KCNIP4: variants seen among roughly 807,000 people sequenced by gnomAD.
KCNIP4 encodes Kv channel-interacting protein 4.
KCNIP4 carries 12 observed loss-of-function variants against 34.0 expected under a neutral mutation model. The observed-to-expected ratio is 0.35, with a 90% CI of 0.23 to 0.57. KCNIP4 has a LOEUF of 0.57. KCNIP4 is among the 20% of genes least tolerant of loss of function. The pLI is 0.83. For synonymous variants in KCNIP4, 124 were observed against 102.2 expected (o/e 1.21, Z -1.29); for missense variants, 238 against 311.7 (o/e 0.76, Z 1.78).
chr4:21,169,673 T>C (rs866248079), intron 1 of KCNIP4, among the ~76,000 whole-genome samples: 27 of 146,010 alleles, frequency 1.8e-4, no homozygotes, highest in African/African-American at 3.8e-4. Flanking sequence ...TGTGTGTGTG[T>C]GTGTGTGTGT....
intron 1 of KCNIP4, among the ~76,000 whole-genome samples, chr4:21,823,517 AAAC>A (rs1387817645): frequency 3.1e-5 from 4 of 130,338 alleles, no homozygotes; most frequent in Admixed American, 9.5e-5. Flanking sequence ...TTAAAAAAAA[AAAC>A]AAAAAAACTA....
At chr4:21,353,248 G>C (rs771141568) in intron 1 of KCNIP4, among the ~76,000 whole-genome samples, 35 of 152,158 alleles carry the variant, frequency 2.3e-4, no homozygotes, top group Non-Finnish European at 2.8e-4. Flanking sequence ...TCCTCCAAAG[G>C]ATCGCAGCTC....
At chr4:20,889,305 A>T (rs1327653789) in intron 1 of KCNIP4, among the ~76,000 whole-genome samples, 1 of 152,178 alleles carries the variant, frequency 6.6e-6, no homozygotes, top group Non-Finnish European at 1.5e-5. Flanking sequence ...GATGGTTTCT[A>T]TAAACAAGGG....
At chr4:21,709,698 CA>C (rs375654375) in intron 1 of KCNIP4, among the ~76,000 whole-genome samples, 33 of 152,128 alleles carry the variant, frequency 2.2e-4, no homozygotes, top group African/African-American at 7.7e-4. Context: ...TTGATGTGCT[CA>C]GTAAAAAAGA....
At chr4:21,556,922 G>GAAAAAAAAAAAAAAAAAA (rs1253971751) in intron 1 of KCNIP4, among the ~76,000 whole-genome samples, 4 of 70,846 alleles carry the variant, frequency 5.6e-5, no homozygotes, top group Non-Finnish European at 8.0e-5. Flanking sequence ...CTCCATCTCA[G>GAAAAAAAAAAAAAAAAAA]AAAAAAAAAA....
At chr4:21,823,637 T>C (rs1270534529) in intron 1 of KCNIP4, among the ~76,000 whole-genome samples, 2 of 152,086 alleles carry the variant, frequency 1.3e-5, no homozygotes, top group African/African-American at 4.8e-5. Context: ...AAGGGAAGGA[T>C]GCTGAAATTT....
chr4:21,735,630 T>G (rs536644302), intron 1 of KCNIP4, among the ~76,000 whole-genome samples: 33 of 152,190 alleles, frequency 2.2e-4, no homozygotes, highest in Non-Finnish European at 4.1e-4. Context: ...TTTGTTTTTG[T>G]TTTCTACGAG....
intron 1 of KCNIP4, among the ~76,000 whole-genome samples, chr4:21,104,491 T>A (rs1191972744): frequency 6.6e-6 from 1 of 152,302 alleles, no homozygotes; most frequent in African/African-American, 2.4e-5. Flanking sequence ...ATTCTGGATA[T>A]TAGCCCTTTG....
intron 1 of KCNIP4, among the ~76,000 whole-genome samples, chr4:21,823,627 A>G (rs1722504429): frequency 1.3e-5 from 2 of 152,132 alleles, no homozygotes; most frequent in South Asian, 4.1e-4. Flanking sequence ...AGAATAGGGT[A>G]AGGGAAGGAT....
At chr4:20,904,685 T>G (rs961550035) in intron 1 of KCNIP4, among the ~76,000 whole-genome samples, 3 of 152,216 alleles carry the variant, frequency 2.0e-5, no homozygotes, top group Admixed American at 6.5e-5. Context: ...TGTTTTTTTC[T>G]GACACCCTGA....
intron 1 of KCNIP4, among the ~76,000 whole-genome samples, chr4:20,939,555 G>T (rs1412440188): frequency 6.6e-6 from 1 of 151,786 alleles, no homozygotes; most frequent in Non-Finnish European, 1.5e-5. Context: ...TGTATTTTTA[G>T]TAGAGACAGG....
At chr4:21,141,934 G>A (rs11724622) in intron 1 of KCNIP4, among the ~76,000 whole-genome samples, 30,040 of 151,418 alleles carry the variant, frequency 0.2, 3,247 homozygotes, top group African/African-American at 0.28. Context: ...TGTGGATCAC[G>A]AGGTCAGAAG....
chr4:21,236,580 T>C (rs763802384), intron 1 of KCNIP4, among the ~76,000 whole-genome samples: 3 of 152,154 alleles, frequency 2.0e-5, no homozygotes, highest in Non-Finnish European at 4.4e-5. Context: ...AGATGAAATG[T>C]CAGCAAGCCT....
At chr4:21,850,092 T>C (rs188779161) in intron 1 of KCNIP4, 2 of 151,732 alleles carry the variant, frequency 1.3e-5, no homozygotes, top group African/African-American at 4.8e-5. Context: ...AACAGCAAAA[T>C]CTACAAACCT....
At chr4:21,021,876 TA>T (rs1740091729) in intron 1 of KCNIP4, among the ~76,000 whole-genome samples, 1 of 151,478 alleles carries the variant, frequency 6.6e-6, no homozygotes, top group Non-Finnish European at 1.5e-5. Context: ...TATAGTATAG[TA>T]TAGTATAGTA....
chr4:20,755,868 G>T (rs965133773), intron 4 of KCNIP4, among the ~76,000 whole-genome samples: 1 of 152,104 alleles, frequency 6.6e-6, no homozygotes, highest in Non-Finnish European at 1.5e-5. Context: ...ATGGCAAGGG[G>T]GCCACTGTGG....
intron 1 of KCNIP4, among the ~76,000 whole-genome samples, chr4:21,529,006 C>T (rs553380795): frequency 6.6e-6 from 1 of 152,008 alleles, no homozygotes; most frequent in Admixed American, 6.6e-5. Context: ...TTTTGCTGTC[C>T]TTTTACAGGT....
chr4:20,963,773 A>C (rs989817233), intron 1 of KCNIP4, among the ~76,000 whole-genome samples: 13 of 152,238 alleles, frequency 8.5e-5, no homozygotes, highest in African/African-American at 2.6e-4. Context: ...ATTTCAGGGG[A>C]GGCGAATAAG....
At chr4:21,536,213 G>A (rs1737152411) in intron 1 of KCNIP4, among the ~76,000 whole-genome samples, 1 of 152,092 alleles carries the variant, frequency 6.6e-6, no homozygotes, top group South Asian at 2.1e-4. Flanking sequence ...ACATTTATGG[G>A]CCCAGCTGGT....
Sources: gnomAD v4.1 joint callset for allele counts (sites outside exome capture counted in the v4.1 genomes callset) on GRCh38, gnomAD v4.1.1 for gene constraint, MANE v1.5 for transcripts, NCBI Gene and HGNC (gene_info 2026-07-23, HGNC 2026-07-21) for gene names.